Variants in ASAP2 observed in about 807,000 individuals in gnomAD.
ASAP2 encodes the protein ArfGAP with SH3 domain, ankyrin repeat and PH domain 2.
Under a neutral mutation model 131.4 loss-of-function variants are expected in ASAP2, and 45 were observed. The ratio of observed to expected loss-of-function variants is 0.34; its 90% CI spans 0.27 to 0.44. The LOEUF (loss-of-function observed/expected upper bound fraction) is 0.44, where lower values mean the gene tolerates loss of function less well. ASAP2 is among the 20% of genes least tolerant of loss of function. The pLI, the probability that ASAP2 is intolerant of heterozygous loss-of-function variation, is 1.00. For missense variants in ASAP2, 1,011 were observed against 1,297.0 expected, an observed-to-expected ratio of 0.78 and a Z score of 3.39; for synonymous variants, 510 against 503.0, an observed-to-expected ratio of 1.01 and a Z score of -0.19.
chr2:9,281,045 C>T lies in ASAP2; in HGVS notation c.199+1656C>T, dbSNP rs910206484. ...CCATGCCTTCAGTGTGTCTGTCACACGGGTGACATCTTGAAGACTTCAGTG... is the reference window on the plus strand; with the variant it reads ...CCATGCCTTCAGTGTGTCTGTCACATGGGTGACATCTTGAAGACTTCAGTG... On this transcript the variant is annotated intron_variant, in intron 2 of 27. Transcript: ENST00000281419. This position sits in a 1 kb window ranked among gnomAD's most constrained non-coding sequence, Gnocchi z 4.0. Among the ~76,000 whole-genome samples, 42 of 152,102 alleles carry T rather than the reference C, an allele frequency of 2.8e-4. No homozygotes were observed. The highest frequency in any genetic ancestry group is 1.6e-4 in the Non-Finnish European group (11 of 68,028).
At chr2:9,255,978 T>A (rs1665129949) in intron 1 of ASAP2, among the ~76,000 whole-genome samples, 1 of 152,120 alleles carries the variant, frequency 6.6e-6, no homozygotes, top group Non-Finnish European at 1.5e-5. Flanking sequence ...TAAACTACAG[T>A]ACCTCCAGTG....
chr2:9,247,697 C>A (rs535627764), intron 1 of ASAP2, among the ~76,000 whole-genome samples: 2 of 152,324 alleles, frequency 1.3e-5, no homozygotes, highest in South Asian at 4.1e-4. Flanking sequence ...TAGAAAGCGC[C>A]TAGGCTGGTG....
chr2:9,332,042 A>G (rs543312465), intron 7 of ASAP2, among the ~76,000 whole-genome samples: 4 of 152,206 alleles, frequency 2.6e-5, no homozygotes, highest in Non-Finnish European at 5.9e-5. Flanking sequence ...GGCCCAGAGA[A>G]GAAAGGAGCT....
At chr2:9,339,614 A>G (rs1432601547) in intron 9 of ASAP2, among the ~76,000 whole-genome samples, 9 of 152,000 alleles carry the variant, frequency 5.9e-5, no homozygotes, top group Admixed American at 4.6e-4. Context: ...CCCTTCCCTC[A>G]TGGTGTCGCG....
At chr2:9,211,343 T>C (rs1221808347) in intron 1 of ASAP2, among the ~76,000 whole-genome samples, 1 of 152,166 alleles carries the variant, frequency 6.6e-6, no homozygotes. Flanking sequence ...AAATAAGCAG[T>C]TGTGGCAGAA....
At position 9,389,871 on chromosome 2, in the gene ASAP2, C is replaced by T. The variant is rs1385659975; in HGVS notation, c.2384-1191C>T. On this transcript the variant is annotated intron_variant, in intron 22 of 27. Coordinates refer to ENST00000281419, the MANE Select transcript of ASAP2 (RefSeq NM_003887.3). The surrounding 1 kb of genome is among the most constrained non-coding windows in gnomAD (Gnocchi z 4.7). ...TCGCATCTCCTCCCTGTCAAACCCC[C>T]AGGCTGGCTGGTCGGGGCCCAGGGT... is the stretch of plus-strand genomic sequence containing the variant. 6.6e-6 allele frequency among the ~76,000 whole-genome samples: 1 copy of T among 152,154 alleles called. No homozygotes were observed. The highest frequency in any genetic ancestry group is 1.5e-5 in the Non-Finnish European group (1 of 68,028).
intron 1 of ASAP2, among the ~76,000 whole-genome samples, chr2:9,255,180 G>C (rs1457711411): frequency 6.6e-6 from 1 of 152,154 alleles, no homozygotes; most frequent in East Asian, 1.9e-4. Context: ...CCAGAATCTT[G>C]GCCATTGTGT....
intron 7 of ASAP2, among the ~76,000 whole-genome samples, chr2:9,332,474 G>A (rs1475957126): frequency 6.6e-6 from 1 of 152,190 alleles, no homozygotes; most frequent in East Asian, 1.9e-4. Context: ...TTACAGAGAT[G>A]AAATCTAAAT....
rs184745644 is a variant in ASAP2, at chr2:9,339,545, A to G, written c.849+4366A>G. 2.6e-5 allele frequency among the ~76,000 whole-genome samples: 4 copies of G among 152,282 alleles called. No homozygotes were observed. The East Asian group carries it at 7.7e-4, about 29-fold the overall frequency. Reference sequence around the variant, plus strand: ...TAATAAATATTAATAAACTATCTTAATAGTTCATTCAACAAATACTGAGCT... The same window carrying G: ...TAATAAATATTAATAAACTATCTTAGTAGTTCATTCAACAAATACTGAGCT... On this transcript the variant is annotated intron_variant, in intron 9 of 27. Transcript: ENST00000281419.
At chr2:9,324,153 C>A (rs1444354684) in intron 6 of ASAP2, among the ~76,000 whole-genome samples, 1 of 152,220 alleles carries the variant, frequency 6.6e-6, no homozygotes, top group African/African-American at 2.4e-5. Context: ...GAGCAATCAA[C>A]AACAAAGCTA....
chr2:9,329,224 C>T (rs1257525587), intron 7 of ASAP2, among the ~76,000 whole-genome samples: 1 of 152,182 alleles, frequency 6.6e-6, no homozygotes, highest in Admixed American at 6.5e-5. Context: ...TGAAACGAAA[C>T]TGCATGGAAA....
chr2:9,394,555 T>TGGA (rs1558400548), intron 24 of ASAP2, among the ~76,000 whole-genome samples: 1 of 152,078 alleles, frequency 6.6e-6, no homozygotes, highest in African/African-American at 2.4e-5. Flanking sequence ...GGGGGCTAGG[T>TGGA]GGAGAGTCAC....
At chr2:9,260,966 C>T (rs1253562774) in intron 1 of ASAP2, among the ~76,000 whole-genome samples, 3 of 152,086 alleles carry the variant, frequency 2.0e-5, no homozygotes, top group Non-Finnish European at 4.4e-5. Flanking sequence ...GTGCCTGTGT[C>T]CCTGGTGAAC....
At chr2:9,240,341 T>A (rs2148071231) in intron 1 of ASAP2, among the ~76,000 whole-genome samples, 1 of 151,384 alleles carries the variant, frequency 6.6e-6, no homozygotes, top group Non-Finnish European at 1.5e-5. Context: ...GCAGCCACCA[T>A]TTCCTGGGCC....
At chr2:9,316,953 C>A (rs1254819885) in intron 3 of ASAP2, among the ~76,000 whole-genome samples, 2 of 119,712 alleles carry the variant, frequency 1.7e-5, no homozygotes. Flanking sequence ...ACTCTCACAC[C>A]CTCCCACACA....
intron 1 of ASAP2, among the ~76,000 whole-genome samples, chr2:9,228,619 T>C (rs56170230): frequency 0.22 from 33,953 of 152,030 alleles, 3,955 homozygotes; most frequent in Non-Finnish European, 0.25. Flanking sequence ...ATGTGTGATA[T>C]ACAAATGAAT....
chr2:9,344,719 C>T lies in ASAP2; in HGVS notation c.954-12C>T, dbSNP rs898682130. ...GTCTAAACTCTTATTGTTTCTCCCA[C>T]TTATCCACAAGGATCCGAAAAGTGT... On this transcript the variant is annotated splice_polypyrimidine_tract_variant and intron_variant, in intron 10 of 27. Transcript: ENST00000281419. 2 of 1,614,058 alleles carry T rather than the reference C, an allele frequency of 1.2e-6. No homozygotes were observed. The highest frequency in any genetic ancestry group is 1.7e-6 in the Non-Finnish European group (2 of 1,179,912).
intron 2 of ASAP2, 36 bp from the exon 3 acceptor site, chr2:9,297,264 C>A (rs1668207493): frequency 8.1e-6 from 13 of 1,605,772 alleles, no homozygotes; most frequent in Non-Finnish European, 1.1e-5. Context: ...GGGTGGCATG[C>A]CTGAGACTCA....
intron 2 of ASAP2, among the ~76,000 whole-genome samples, chr2:9,287,474 C>T (rs769210579): frequency 3.9e-5 from 6 of 152,176 alleles, no homozygotes; most frequent in Middle Eastern, 3.2e-3. Context: ...ATCTGAAGGA[C>T]GCGGGGCTCC....
Sources: gnomAD v4.1 joint callset for allele counts (sites outside exome capture counted in the v4.1 genomes callset) on GRCh38, gnomAD v4.1.1 for gene constraint, Gnocchi (gnomAD v3.1) non-coding constraint, MANE v1.5 for transcripts, NCBI Gene and HGNC (gene_info 2026-07-23, HGNC 2026-07-21) for gene names.